NPNT: variants seen among roughly 807,000 people sequenced by gnomAD.
NPNT encodes the protein preosteoblast EGF-like repeat protein with MAM domain.
Under a neutral mutation model 68.6 loss-of-function variants are expected in NPNT, and 45 were observed. That is an observed-to-expected ratio of 0.66 (90% CI 0.52 to 0.84). The LOEUF is 0.84. Ranked by LOEUF, NPNT falls within the 40% of genes least tolerant of loss-of-function variation. The pLI, the probability that NPNT is intolerant of heterozygous loss-of-function variation, is 0.00. For synonymous variants in NPNT, 233 were observed against 253.3 expected (o/e 0.92, Z 0.76); for missense variants, 672 against 714.8 (o/e 0.94, Z 0.68).
chr4:105,967,384 A>T lies in NPNT; in HGVS notation c.1542A>T (p.Arg514Ser). ...CCCACGGAGCAGCCCTGTGGGGAAG[A>T]AATGGTGGCCATGGCTGGAGGCAAA... Reference protein sequence around the residue: ...HGAHGAALWGRNGGHGWRQTQ... With the variant: ...HGAHGAALWGSNGGHGWRQTQ... The change falls in exon 11 of 12, where the codon AGA becomes AGT. Residue 514 changes from arginine (R) to serine (S), a missense_variant. Arg to Ser is a moderately radical substitution (Grantham distance 110, BLOSUM62 -1). Coordinates refer to ENST00000379987, the MANE Select transcript of NPNT (RefSeq NM_001033047.3). 1.2e-6 allele frequency: 2 copies of T among 1,606,584 alleles called. No homozygotes were observed. Among genetic ancestry groups the T allele is most frequent in the Non-Finnish European group, 1.7e-6 (2 of 1,176,744 alleles).
At chr4:105,954,104 T>C (rs1731037494) in intron 8 of NPNT, among the ~76,000 whole-genome samples, 1 of 152,198 alleles carries the variant, frequency 6.6e-6, no homozygotes, top group Non-Finnish European at 1.5e-5. Context: ...AAAATACATA[T>C]TTAGTAGAAA....
chr4:105,958,380 C>A (rs1266694434), intron 8 of NPNT, 91 bp from the exon 9 acceptor site: 3 of 605,018 alleles, frequency 5.0e-6, no homozygotes, highest in African/African-American at 3.8e-5. Context: ...AATGACTAGG[C>A]CTTTTCCTCC....
At chr4:105,944,218 T>C (rs953524606) in intron 8 of NPNT, among the ~76,000 whole-genome samples, 1 of 152,190 alleles carries the variant, frequency 6.6e-6, no homozygotes, top group Non-Finnish European at 1.5e-5. Flanking sequence ...TTTATGTTTT[T>C]GTAATTTTCT....
chr4:105,959,160 C>T (rs769884415), intron 10 of NPNT, 34 bp downstream of exon 10: 2 of 1,324,218 alleles, frequency 1.5e-6, no homozygotes, highest in South Asian at 1.2e-5. Context: ...TTCTGGTACA[C>T]ATTTCAATGT....
At chr4:105,899,499 G>T (rs996230252) in intron 2 of NPNT, among the ~76,000 whole-genome samples, 1 of 152,144 alleles carries the variant, frequency 6.6e-6, no homozygotes, top group Non-Finnish European at 1.5e-5. Context: ...GTGTACAGCA[G>T]CTTTGCCTAC....
rs1732456749 is a variant in NPNT, at chr4:105,969,978, A to G, written c.*988A>G. 6.0e-6 allele frequency: 1 copy of G among 167,262 alleles called. No individual in the cohort carries two copies. Among genetic ancestry groups the G allele is most frequent in the Admixed American group, 5.9e-5 (1 of 17,020 alleles). 10.4% of individuals were successfully genotyped at this position (167,262 alleles called of 1,614,324 possible). A position where few individuals can be genotyped will look rare whatever the true frequency, so the allele number is the denominator to read the frequency against. On this transcript the variant is annotated 3_prime_UTR_variant, in exon 12 of 12. Coordinates refer to ENST00000379987, the MANE Select transcript of NPNT (RefSeq NM_001033047.3). Reference sequence around the variant, plus strand: ...TAACATGGCTCTGGTAATATGTAGGAAGCTTTATAAAAGTTTTGGTTGATT... The same window carrying G: ...TAACATGGCTCTGGTAATATGTAGGGAGCTTTATAAAAGTTTTGGTTGATT...
chr4:105,896,457 C>T (rs1725855644), intron 1 of NPNT, among the ~76,000 whole-genome samples: 1 of 152,180 alleles, frequency 6.6e-6, no homozygotes, highest in South Asian at 2.1e-4. Context: ...CGGGGCCGCT[C>T]CGGTGTGTGA....
At chr4:105,934,379 G>A (rs6533224) in intron 3 of NPNT, among the ~76,000 whole-genome samples, 135,911 of 151,970 alleles carry the variant, frequency 0.89, 60,973 homozygotes, top group East Asian at 1. Flanking sequence ...TCACCAGGAT[G>A]CCAGATGCAT....
At chr4:105,898,293 T>C (rs576042356) in intron 2 of NPNT, among the ~76,000 whole-genome samples, 2 of 125,020 alleles carry the variant, frequency 1.6e-5, no homozygotes, top group East Asian at 3.9e-4. Flanking sequence ...GGTTTATTTC[T>C]CTCTCTCTCT....
chr4:105,956,535 T>C (rs1445858923), intron 8 of NPNT, among the ~76,000 whole-genome samples: 1 of 152,146 alleles, frequency 6.6e-6, no homozygotes, highest in African/African-American at 2.4e-5. Context: ...ATGGTACTTT[T>C]AAGAGTTGAG....
In NPNT at chr4:105,941,353, G is replaced by GA. The variant is rs917975561; in HGVS notation, c.763+726dup. ...CAAGAGAGCGAGACCTGTCTCAAAA[G>GA]AAAAAAAAAGCCATTCCCATATTTA... On this transcript the variant is annotated intron_variant, in intron 7 of 11. Transcript: ENST00000379987. Among the ~76,000 whole-genome samples, 765 of 148,674 alleles carry GA rather than the reference G, an allele frequency of 5.1e-3. 5 individuals carry two copies. Among genetic ancestry groups the GA allele is most frequent in the African/African-American group, 0.018 (719 of 40,496 alleles).
At chr4:105,907,544 A>G (rs1727007131) in intron 2 of NPNT, among the ~76,000 whole-genome samples, 1 of 152,098 alleles carries the variant, frequency 6.6e-6, no homozygotes, top group Admixed American at 6.6e-5. Flanking sequence ...TCACGGTAAC[A>G]AACAAATGAT....
rs191917046 is a variant in NPNT, at chr4:105,922,331, T to C, written c.173-5005T>C. Among the ~76,000 whole-genome samples, 83 of 152,138 alleles carry C rather than the reference T, an allele frequency of 5.5e-4. 1 individual carries two copies. Among genetic ancestry groups the C allele is most frequent in the Non-Finnish European group, 2.5e-4 (17 of 68,004 alleles). ...TTATTTGATAATTCACTGCTTATGT[T>C]AGAGTTAGAAACTATTGTCCAACTC... On this transcript the variant is annotated intron_variant, in intron 2 of 11. Coordinates refer to ENST00000379987, the MANE Select transcript of NPNT (RefSeq NM_001033047.3).
At position 105,971,005 on chromosome 4, in the gene NPNT, A is replaced by G. The variant is rs1732523149; in HGVS notation, c.*2015A>G. 6.0e-6 allele frequency: 2 copies of G among 331,262 alleles called. No individual in the cohort carries two copies. The highest frequency in any genetic ancestry group is 2.4e-5 in the South Asian group (1 of 41,646). The allele number at this position is 331,262 out of a possible 1,614,324, so 20.5% of individuals were successfully genotyped here. A position where few individuals can be genotyped will look rare whatever the true frequency, so the allele number is the denominator to read the frequency against. On this transcript the variant is annotated 3_prime_UTR_variant, in exon 12 of 12. Coordinates refer to ENST00000379987, the MANE Select transcript of NPNT (RefSeq NM_001033047.3). ...GAGTATGATGGACAGATATTTTAGT[A>G]TCTCAGTAATGTCCTAGTGTGGCGG... is the stretch of plus-strand genomic sequence containing the variant.
chr4:105,923,863 A>G (rs971558709), intron 2 of NPNT, among the ~76,000 whole-genome samples: 5 of 152,144 alleles, frequency 3.3e-5, no homozygotes, highest in African/African-American at 1.2e-4. Flanking sequence ...AAAAATAAAA[A>G]TTTTAAAAGC....
At chr4:105,940,346 C>A in intron 6 of NPNT, 137 bp downstream of exon 6, 2 of 1,041,020 alleles carry the variant, frequency 1.9e-6, no homozygotes, top group Non-Finnish European at 2.9e-6. Flanking sequence ...TCCAGTTTAA[C>A]CACTGGTAGT....
chr4:105,954,588 A>C (rs919268149), intron 8 of NPNT, among the ~76,000 whole-genome samples: 3 of 152,108 alleles, frequency 2.0e-5, no homozygotes, highest in Non-Finnish European at 4.4e-5. Flanking sequence ...CAAGGCTTTA[A>C]AAGCTCCTGC....
At chr4:105,903,616 G>A (rs929288952) in intron 2 of NPNT, among the ~76,000 whole-genome samples, 4 of 151,716 alleles carry the variant, frequency 2.6e-5, no homozygotes, top group Admixed American at 6.6e-5. Context: ...TTAGTTTTTG[G>A]TATACTTTAA....
At chr4:105,960,883 G>A (rs1419681603) in intron 10 of NPNT, among the ~76,000 whole-genome samples, 1 of 152,002 alleles carries the variant, frequency 6.6e-6, no homozygotes, top group Non-Finnish European at 1.5e-5. Flanking sequence ...TTGCTACAGA[G>A]TTGTAGCAAT....
Sources: allele counts gnomAD v4.1 joint callset (sites outside exome capture counted in the v4.1 genomes callset), GRCh38; gene constraint gnomAD v4.1.1; transcripts MANE v1.5; gene names NCBI Gene and HGNC (gene_info 2026-07-23, HGNC 2026-07-21).